Variants in TAF1 observed in about 807,000 individuals in gnomAD.
TAF1 encodes the protein TATA-box binding protein associated factor 1.
A neutral mutation model predicts 138.5 loss-of-function variants in TAF1; 2 were observed. The observed-to-expected ratio is 0.01, with a 90% CI of 0.01 to 0.05. The LOEUF (loss-of-function observed/expected upper bound fraction) is 0.05, where lower values mean the gene tolerates loss of function less well. Among genes scored for constraint, TAF1 ranks in the 10% least tolerant of loss-of-function variants. The pLI is 1.00. For missense variants in TAF1, 709 were observed against 1,478.0 expected, an observed-to-expected ratio of 0.48 and a Z score of 8.53; for synonymous variants, 437 against 503.2, an observed-to-expected ratio of 0.87 and a Z score of 1.76.
intron 34 of TAF1, among the ~76,000 whole-genome samples, chrX:71,456,520 GTCAAAC>G (rs1366133759): frequency 9.1e-6 from 1 of 110,455 alleles, no homozygotes; most frequent in East Asian, 2.8e-4. Flanking sequence ...CATTACTACT[GTCAAAC>G]TCAAATGTTA....
At chrX:71,417,292 A>G (rs1056695037) in intron 28 of TAF1, among the ~76,000 whole-genome samples, 1 of 110,742 alleles carries the variant, frequency 9.0e-6, no homozygotes, top group Non-Finnish European at 1.9e-5. Context: ...TCCACTAGCA[A>G]AAAGGCTCTT....
At chrX:71,480,628 A>G (rs1007299882) in intron 13 of TAF1, among the ~76,000 whole-genome samples, 1 of 112,121 alleles carries the variant, frequency 8.9e-6, no homozygotes, top group African/African-American at 3.2e-5. Context: ...GCATTGAACA[A>G]AAGTCCTTTC....
At chrX:71,382,418 T>G in intron 9 of TAF1, 118 bp from the exon 10 acceptor site, 1 of 1,001,177 alleles carries the variant, frequency 1.0e-6, no homozygotes, top group Non-Finnish European at 1.3e-6. Context: ...GGATGAAAGG[T>G]CTAGTTAAGA....
At chrX:71,474,798 T>C (rs1490254319) in intron 13 of TAF1, among the ~76,000 whole-genome samples, 1 of 111,570 alleles carries the variant, frequency 9.0e-6, no homozygotes, top group Admixed American at 9.6e-5. Context: ...TGTCTAATAA[T>C]GAGGTGGCAT....
chrX:71,493,323 A>C (rs1178579943), intron 13 of TAF1, among the ~76,000 whole-genome samples: 1 of 112,266 alleles, frequency 8.9e-6, no homozygotes, highest in African/African-American at 3.2e-5. Flanking sequence ...TTTTCTGCTT[A>C]AAACTCACGT....
intron 28 of TAF1, among the ~76,000 whole-genome samples, chrX:71,409,328 A>G (rs1031317916): frequency 9.1e-6 from 1 of 109,925 alleles, no homozygotes; most frequent in Non-Finnish European, 1.9e-5. Flanking sequence ...GGGTTTTGCC[A>G]TGTTGCCCAG....
At chrX:71,448,753 T>G (rs186905340) in intron 32 of TAF1, among the ~76,000 whole-genome samples, 31 of 108,031 alleles carry the variant, frequency 2.9e-4, no homozygotes, top group East Asian at 1.7e-3. Context: ...TAAGTGTGGG[T>G]TTTTTTTTTA....
chrX:71,406,996 A>C (rs1371989420), intron 26 of TAF1, among the ~76,000 whole-genome samples: 2 of 105,902 alleles, frequency 1.9e-5, no homozygotes, highest in Non-Finnish European at 3.9e-5. Flanking sequence ...GCTCACTGCA[A>C]CCTCCACCTC....
At position 71,401,632 on chromosome X, in the gene TAF1, A is replaced by G; in HGVS notation, c.3891A>G (p.Thr1297=). ...CACCTTCCAACCCTGTTGCCATGAC[A>G]GAAGAACAGGAGGAGGAGTTGGAAA... ...NAPPSNPVAM[T]EEQEEELEKT... Residue 1297 remains threonine (T), a synonymous_variant, in exon 25 of 38, where the codon ACA becomes ACG. Transcript: ENST00000423759. The G allele has an allele frequency of 8.3e-7, 1 of 1,212,005 alleles. No individual in the cohort carries two copies. Among genetic ancestry groups the G allele is most frequent in the Non-Finnish European group, 1.1e-6 (1 of 895,621 alleles).
At chrX:71,509,897 T>A (rs2039700252) in intron 13 of TAF1, among the ~76,000 whole-genome samples, 1 of 110,978 alleles carries the variant, frequency 9.0e-6, no homozygotes, top group Non-Finnish European at 1.9e-5. Context: ...GAGAATCTCT[T>A]GAACCTGGGA....
At chrX:71,514,484 A>C (rs1188318216) in intron 13 of TAF1, among the ~76,000 whole-genome samples, 3 of 106,689 alleles carry the variant, frequency 2.8e-5, no homozygotes, top group Non-Finnish European at 5.8e-5. Context: ...AAAAAAAAAA[A>C]CCCTCACATG....
At chrX:71,421,074 G>A (rs997575521) in intron 28 of TAF1, among the ~76,000 whole-genome samples, 1 of 112,760 alleles carries the variant, frequency 8.9e-6, no homozygotes, top group Admixed American at 9.4e-5. Context: ...GTACTACTGT[G>A]TGTAGATACA....
intron 32 of TAF1, among the ~76,000 whole-genome samples, chrX:71,429,571 G>A (rs935286665): frequency 9.0e-6 from 1 of 110,581 alleles, no homozygotes; most frequent in Non-Finnish European, 1.9e-5. Context: ...ATCATGAAAC[G>A]CCTAGTATGT....
At chrX:71,473,654 C>G (rs1251290585) in intron 13 of TAF1, among the ~76,000 whole-genome samples, 1 of 110,131 alleles carries the variant, frequency 9.1e-6, no homozygotes, top group Non-Finnish European at 1.9e-5. Flanking sequence ...GGAGCCACTA[C>G]ATTCCAGCCT....
At chrX:71,509,896 T>A (rs2039700193) in intron 13 of TAF1, among the ~76,000 whole-genome samples, 1 of 110,875 alleles carries the variant, frequency 9.0e-6, no homozygotes, top group Non-Finnish European at 1.9e-5. Flanking sequence ...CGAGAATCTC[T>A]TGAACCTGGG....
At chrX:71,381,405 C>T (rs897879954) in intron 8 of TAF1, among the ~76,000 whole-genome samples, 2 of 111,953 alleles carry the variant, frequency 1.8e-5, no homozygotes, top group African/African-American at 6.5e-5. Context: ...GCTGGGATTA[C>T]AGGCATGTGC....
intron 13 of TAF1, among the ~76,000 whole-genome samples, chrX:71,527,043 A>C (rs1453118621): frequency 9.1e-6 from 1 of 109,307 alleles, no homozygotes; most frequent in Non-Finnish European, 1.9e-5. Context: ...AGCCTGGGTG[A>C]CAGGGTGAGA....
intron 28 of TAF1, chrX:71,420,189 G>A (rs946719169): frequency 1.8e-6 from 1 of 568,943 alleles, no homozygotes; most frequent in Non-Finnish European, 3.1e-6. Flanking sequence ...GCTGTAGTTG[G>A]TGGTCCGGGC....
At chrX:71,399,178 G>T (rs1044691289) in intron 24 of TAF1, among the ~76,000 whole-genome samples, 3 of 110,158 alleles carry the variant, frequency 2.7e-5, no homozygotes, top group Non-Finnish European at 3.8e-5. Flanking sequence ...GAGCTCAAGT[G>T]ATCCTCCCAC....
Sources: gnomAD v4.1 joint callset for allele counts (sites outside exome capture counted in the v4.1 genomes callset) on GRCh38, gnomAD v4.1.1 for gene constraint, MANE v1.5 for transcripts, NCBI Gene and HGNC (gene_info 2026-07-23, HGNC 2026-07-21) for gene names.